The following KIF6 variants were observed in gnomAD, a reference collection of about 807,000 sequenced individuals.
KIF6 encodes kinesin family member 6, also known as kinesin-like protein KIF6.
A neutral mutation model predicts 112.7 loss-of-function variants in KIF6; 106 were observed. That is an observed-to-expected ratio of 0.94 (90% confidence interval 0.80 to 1.11). KIF6 has a LOEUF of 1.11. Ranked by LOEUF, KIF6 falls within the 50% of genes least tolerant of loss-of-function variation. The pLI is 0.00. For missense variants in KIF6, 929 were observed against 964.0 expected, an observed-to-expected ratio of 0.96 and a Z score of 0.48; for synonymous variants, 339 against 339.9, an observed-to-expected ratio of 1.00 and a Z score of 0.03.
Position 39,460,536 on chromosome 6 carries a change from T to TAAA in KIF6, c.1646-29378_1646-29376dup, listed in dbSNP as rs759528125. Among the ~76,000 whole-genome samples the TAAA allele has an allele frequency of 2.6e-4, 15 of 57,068 alleles. No homozygotes were observed. The South Asian group carries it at 4.7e-3, about 18-fold the overall frequency. 37.4% of individuals were successfully genotyped at this position (57,068 alleles called of 152,430 possible). A position where few individuals can be genotyped will look rare whatever the true frequency, so the allele number is the denominator to read the frequency against. ...ACTTAAAGTATAATAAAAAAAAAAG[T>TAAA]AAAAAAAAAAAAAAAAAAAAAAAAG... is the stretch of plus-strand genomic sequence containing the variant. On this transcript the variant is annotated intron_variant, in intron 13 of 22. Coordinates refer to ENST00000287152, the MANE Select transcript of KIF6 (RefSeq NM_145027.6).
chr6:39,689,648 G>A lies in KIF6; in HGVS notation c.251+25044C>T, dbSNP rs184015623. 1.7e-4 allele frequency among the ~76,000 whole-genome samples: 26 copies of A among 151,916 alleles called. No individual in the cohort carries two copies. In the East Asian group the frequency reaches 1.7e-3, roughly 10 times the overall value. ...GGGTCTCACTCTGTCACCCAGGCCC[G>A]TGCAGTGGCACAAACATGGCTCACT... On this transcript the variant is annotated intron_variant, in intron 3 of 22. Coordinates refer to ENST00000287152, the MANE Select transcript of KIF6 (RefSeq NM_145027.6).
chr6:39,644,852 T>C (rs2150777992), intron 3 of KIF6, among the ~76,000 whole-genome samples: 1 of 152,322 alleles, frequency 6.6e-6, no homozygotes, highest in Middle Eastern at 3.4e-3. Flanking sequence ...AACAATAAAA[T>C]AGTAAAGAAG....
In KIF6 at chr6:39,339,169, A is replaced by C. The variant is rs1763189555; in HGVS notation, c.2429-2621T>G. ...GAGGGCACACTACAGATGTACCATT[A>C]AGAAAAAGCAAAATCACACCTCATG... On this transcript the variant is annotated intron_variant, in intron 22 of 22. Transcript: ENST00000287152. 3.3e-5 allele frequency among the ~76,000 whole-genome samples: 5 copies of C among 152,176 alleles called. No homozygotes were observed. The South Asian group carries it at 1.0e-3, about 32-fold the overall frequency.
At chr6:39,454,172 C>T (rs1245053274) in intron 13 of KIF6, among the ~76,000 whole-genome samples, 2 of 151,852 alleles carry the variant, frequency 1.3e-5, no homozygotes, top group African/African-American at 2.4e-5. Context: ...TAGTGGAAAC[C>T]TAAACTTTAA....
chr6:39,577,436 G>C (rs1038795894), intron 10 of KIF6, among the ~76,000 whole-genome samples: 1 of 152,180 alleles, frequency 6.6e-6, no homozygotes, highest in Non-Finnish European at 1.5e-5. Flanking sequence ...CCCAACACAT[G>C]CTTAATAAGC....
Position 39,585,342 on chromosome 6 carries a change from T to C in KIF6, c.991-358A>G, listed in dbSNP as rs144474532. Among the ~76,000 whole-genome samples the C allele has an allele frequency of 6.1e-4, 93 of 152,258 alleles. No individual in the cohort carries two copies. The Middle Eastern group carries it at 0.01, about 17-fold the overall frequency. The stretch of plus-strand genomic sequence containing the variant: ...GCAGTTCACAATTGGGTTCACGCTC[T>C]TATGAGAATCTAATGGCACCACTGA... On this transcript the variant is annotated intron_variant, in intron 8 of 22. Transcript: ENST00000287152.
intron 13 of KIF6, among the ~76,000 whole-genome samples, chr6:39,448,999 A>G (rs1469395725): frequency 6.6e-6 from 1 of 152,070 alleles, no homozygotes; most frequent in Non-Finnish European, 1.5e-5. Flanking sequence ...TGATTCTTCA[A>G]CCCCCACATG....
chr6:39,719,367 T>TA (rs527387749), intron 2 of KIF6, among the ~76,000 whole-genome samples: 5 of 141,282 alleles, frequency 3.5e-5, no homozygotes, highest in African/African-American at 1.0e-4. Flanking sequence ...GAGAGAGGAA[T>TA]AAAAAAAAAT....
At chr6:39,377,631 G>T (rs1343552502) in intron 16 of KIF6, among the ~76,000 whole-genome samples, 1 of 152,190 alleles carries the variant, frequency 6.6e-6, no homozygotes, top group African/African-American at 2.4e-5. Flanking sequence ...GAACAACAGG[G>T]ATGCCACAAG....
At chr6:39,508,294 G>T (rs1482669441) in intron 13 of KIF6, among the ~76,000 whole-genome samples, 1 of 151,414 alleles carries the variant, frequency 6.6e-6, no homozygotes, top group Non-Finnish European at 1.5e-5. Flanking sequence ...CAGCGAGACT[G>T]ACACAGAACA....
intron 13 of KIF6, among the ~76,000 whole-genome samples, chr6:39,465,623 A>C (rs539679773): frequency 6.6e-6 from 1 of 152,270 alleles, no homozygotes; most frequent in Non-Finnish European, 1.5e-5. Flanking sequence ...CTTCCAAAAT[A>C]AATCTGAAGC....
chr6:39,450,580 A>C (rs1053674498), intron 13 of KIF6, among the ~76,000 whole-genome samples: 1 of 152,214 alleles, frequency 6.6e-6, no homozygotes, highest in Admixed American at 6.5e-5. Flanking sequence ...TGAGGTGGGC[A>C]GATGGCTTGA....
At chr6:39,358,689 G>A (rs1342839217) in intron 18 of KIF6, among the ~76,000 whole-genome samples, 2 of 152,174 alleles carry the variant, frequency 1.3e-5, no homozygotes, top group East Asian at 3.9e-4. Flanking sequence ...CAGAATCCAG[G>A]GGCTCTGCCA....
Position 39,362,387 on chromosome 6 carries a change from C to G in KIF6, c.1946+47G>C, listed in dbSNP as rs141983326. ...GGGAAGCTCCAGGACGACACTGAGA[C>G]CCTGGGAGGCTGGGCTCGGACTGTG... is the stretch of plus-strand genomic sequence containing the variant. On this transcript the variant is annotated intron_variant, in intron 17 of 22. Transcript: ENST00000287152. 275 of 1,440,184 alleles carry G rather than the reference C, an allele frequency of 1.9e-4. No individual in the cohort carries two copies. The East Asian group carries it at 6.1e-3, about 32-fold the overall frequency. 89.2% of individuals were successfully genotyped at this position (1,440,184 alleles called of 1,614,324 possible). A position where few individuals can be genotyped will look rare whatever the true frequency, so the allele number is the denominator to read the frequency against.
chr6:39,379,099 ATT>A (rs2150301942), intron 16 of KIF6, among the ~76,000 whole-genome samples: 1 of 152,316 alleles, frequency 6.6e-6, no homozygotes, highest in East Asian at 1.9e-4. Flanking sequence ...TCTGGCTTGT[ATT>A]TAGTTCCAGG....
chr6:39,670,924 TTAAACAGCTTTAGGAAA>T (rs1357478281), intron 3 of KIF6, among the ~76,000 whole-genome samples: 1 of 152,326 alleles, frequency 6.6e-6, no homozygotes, highest in Admixed American at 6.5e-5. Context: ...TAACACTTAG[TTAAACAGCTTTAGGAAA>T]TAAACTGCAT....
chr6:39,435,798 A>G (rs558091588), intron 13 of KIF6, among the ~76,000 whole-genome samples: 5 of 152,260 alleles, frequency 3.3e-5, no homozygotes, highest in African/African-American at 1.2e-4. Context: ...TATCTTTGCA[A>G]TTGTAAATTG....
chr6:39,418,061 G>GCC (rs55634403), intron 15 of KIF6, among the ~76,000 whole-genome samples: 1 of 151,830 alleles, frequency 6.6e-6, no homozygotes, highest in African/African-American at 2.4e-5. Context: ...GGACTGGGAT[G>GCC]CCCCCCAGCA....
At chr6:39,523,645 CATATATATATATATAT>C (rs56952665) in intron 13 of KIF6, among the ~76,000 whole-genome samples, 954 of 32,498 alleles carry the variant, frequency 0.029, 35 homozygotes, top group East Asian at 0.24. Context: ...TTAATTCTGC[CATATATATATATATAT>C]ATATATATAT....
Sources: allele counts gnomAD v4.1 joint callset (sites outside exome capture counted in the v4.1 genomes callset), GRCh38; gene constraint gnomAD v4.1.1; transcripts MANE v1.5; gene names NCBI Gene and HGNC (gene_info 2026-07-23, HGNC 2026-07-21).